AUTS2: variants seen among roughly 807,000 people sequenced by gnomAD.
AUTS2 encodes the protein autism susceptibility gene 2 protein.
A neutral mutation model predicts 112.4 loss-of-function variants in AUTS2; 17 were observed. That is an observed-to-expected ratio of 0.15 (90% CI 0.10 to 0.23). AUTS2 has a LOEUF of 0.23. Ranked by LOEUF, AUTS2 falls within the 10% of genes least tolerant of loss-of-function variation. The pLI is 1.00. For missense variants in AUTS2, 1,510 were observed against 1,701.6 expected, an observed-to-expected ratio of 0.89 and a Z score of 1.98; for synonymous variants, 751 against 702.7, an observed-to-expected ratio of 1.07 and a Z score of -1.09.
At chr7:70,021,152 T>G (rs1399998456) in intron 2 of AUTS2, among the ~76,000 whole-genome samples, 1 of 152,024 alleles carries the variant, frequency 6.6e-6, no homozygotes, top group Non-Finnish European at 1.5e-5. Flanking sequence ...CTGGCTAATT[T>G]TGTATTTTTA....
intron 1 of AUTS2, among the ~76,000 whole-genome samples, chr7:69,836,019 G>A (rs1408756501): frequency 6.6e-6 from 1 of 152,220 alleles, no homozygotes; most frequent in African/African-American, 2.4e-5. Flanking sequence ...GGACTCAGCA[G>A]AAGCCACCAT....
At chr7:70,571,399 A>C (rs1801933200) in intron 5 of AUTS2, among the ~76,000 whole-genome samples, 1 of 152,248 alleles carries the variant, frequency 6.6e-6, no homozygotes, top group Admixed American at 6.5e-5. Context: ...TTAATTACCT[A>C]GCTGTGCCAT....
Position 70,168,564 on chromosome 7 carries a change from G to A in AUTS2, c.660+33993G>A, listed in dbSNP as rs141334192. 1.1e-4 allele frequency among the ~76,000 whole-genome samples: 16 copies of A among 152,226 alleles called. 1 individual carries two copies. In the East Asian group the frequency reaches 2.3e-3, roughly 22 times the overall value. On this transcript the variant is annotated intron_variant, in intron 4 of 18. Coordinates refer to ENST00000342771, the MANE Select transcript of AUTS2 (RefSeq NM_015570.4). ...CTCCTGAACCTGAGGTGACCTGCCC[G>A]CCTTGGCTTCCCTAAGTGCTGGAAT...
At chr7:70,156,428 G>A (rs1458244872) in intron 4 of AUTS2, among the ~76,000 whole-genome samples, 3 of 152,124 alleles carry the variant, frequency 2.0e-5, no homozygotes, top group Non-Finnish European at 4.4e-5. Context: ...AAATTGTGAA[G>A]TAGGACTGTA....
At chr7:70,261,499 T>C (rs1787168268) in intron 4 of AUTS2, among the ~76,000 whole-genome samples, 1 of 152,228 alleles carries the variant, frequency 6.6e-6, no homozygotes, top group Non-Finnish European at 1.5e-5. Flanking sequence ...TCAAGTATAA[T>C]GAAGTTGATT....
At chr7:70,750,718 T>C (rs980364036) in intron 6 of AUTS2, among the ~76,000 whole-genome samples, 1 of 152,232 alleles carries the variant, frequency 6.6e-6, no homozygotes, top group Non-Finnish European at 1.5e-5. Flanking sequence ...TGGAAATTCC[T>C]ACTTTGCCTC....
At chr7:70,396,751 C>A (rs1794102439) in intron 4 of AUTS2, among the ~76,000 whole-genome samples, 1 of 152,096 alleles carries the variant, frequency 6.6e-6, no homozygotes, top group Non-Finnish European at 1.5e-5. Context: ...TATGGATATA[C>A]CATAATTATT....
At chr7:69,942,415 A>G (rs908963395) in intron 2 of AUTS2, among the ~76,000 whole-genome samples, 2 of 152,160 alleles carry the variant, frequency 1.3e-5, no homozygotes, top group African/African-American at 2.4e-5. Context: ...GGTTTGTAGT[A>G]GTTGGTTTTC....
At position 70,127,078 on chromosome 7, in the gene AUTS2, C is replaced by T. The variant is rs1427920775; in HGVS notation, c.625-7458C>T. Among the ~76,000 whole-genome samples, 8 of 152,052 alleles carry T rather than the reference C, an allele frequency of 5.3e-5. No homozygotes were observed. The East Asian group carries it at 5.8e-4, about 11-fold the overall frequency. On this transcript the variant is annotated intron_variant, in intron 3 of 18. Transcript: ENST00000342771. Reference sequence around the variant, plus strand: ...CTGACCTCAGGCAATCCACCCTCCTCGGACTTCCAAAGTGCTGGATTACAG... The same window carrying T: ...CTGACCTCAGGCAATCCACCCTCCTTGGACTTCCAAAGTGCTGGATTACAG...
intron 2 of AUTS2, among the ~76,000 whole-genome samples, chr7:70,109,185 AAG>A (rs1410156710): frequency 2.0e-5 from 3 of 152,352 alleles, no homozygotes; most frequent in East Asian, 1.9e-4. Flanking sequence ...AAATCATAAA[AAG>A]TAAGTTTTGT....
intron 1 of AUTS2, among the ~76,000 whole-genome samples, chr7:69,759,061 C>T (rs557814139): frequency 1.3e-5 from 2 of 152,258 alleles, no homozygotes; most frequent in South Asian, 2.1e-4. Context: ...TACCTGACAA[C>T]CCTACCAGAT....
chr7:70,084,957 T>C (rs922325697), intron 2 of AUTS2, among the ~76,000 whole-genome samples: 5 of 151,322 alleles, frequency 3.3e-5, no homozygotes, highest in Non-Finnish European at 5.9e-5. Flanking sequence ...ACCGTAACCT[T>C]GAACTCCTGG....
intron 5 of AUTS2, among the ~76,000 whole-genome samples, chr7:70,454,635 C>T (rs1271504538): frequency 3.9e-5 from 6 of 152,224 alleles, no homozygotes; most frequent in African/African-American, 9.6e-5. Flanking sequence ...TGACTCACAC[C>T]TGTAATCCCA....
intron 2 of AUTS2, among the ~76,000 whole-genome samples, chr7:69,906,691 G>A (rs1253480618): frequency 6.6e-6 from 1 of 152,208 alleles, no homozygotes; most frequent in Non-Finnish European, 1.5e-5. Context: ...ACTGTTGGAT[G>A]TCTTCATGCC....
chr7:69,872,834 C>CTTTTTTTTTTTTTTTTTTTTTTTTTTT (rs1164356683), intron 1 of AUTS2, among the ~76,000 whole-genome samples: 5 of 70,422 alleles, frequency 7.1e-5, no homozygotes, highest in African/African-American at 3.1e-4. Flanking sequence ...AGCCTATATT[C>CTTTTTTTTTTTTTTTTTTTTTTTTTTT]TTTTTTTTTT....
chr7:69,829,573 A>G (rs752828912), intron 1 of AUTS2, among the ~76,000 whole-genome samples: 60 of 152,240 alleles, frequency 3.9e-4, no homozygotes, highest in Non-Finnish European at 7.3e-4. Context: ...AAGTGGGCAG[A>G]GGGTATGAAC....
At chr7:70,460,196 T>A (rs551303906) in intron 5 of AUTS2, among the ~76,000 whole-genome samples, 31 of 152,044 alleles carry the variant, frequency 2.0e-4, no homozygotes, top group Non-Finnish European at 2.6e-4. Context: ...CTGATTCCCC[T>A]GAAGTCTGTG....
At chr7:69,873,418 C>G (rs1448280104) in intron 1 of AUTS2, among the ~76,000 whole-genome samples, 1 of 125,488 alleles carries the variant, frequency 8.0e-6, no homozygotes, top group African/African-American at 2.9e-5. Context: ...GGGGCTCAGG[C>G]TTTTTTTTTT....
chr7:70,011,105 G>A (rs1224142306), intron 2 of AUTS2, among the ~76,000 whole-genome samples: 1 of 152,060 alleles, frequency 6.6e-6, no homozygotes, highest in Admixed American at 6.6e-5. Flanking sequence ...TAAGAAAAGG[G>A]CAAGATTTCT....
Sources: allele counts gnomAD v4.1 joint callset (sites outside exome capture counted in the v4.1 genomes callset), GRCh38; gene constraint gnomAD v4.1.1; transcripts MANE v1.5; gene names NCBI Gene and HGNC (gene_info 2026-07-23, HGNC 2026-07-21).